The following HAO2 variants were observed in gnomAD, a reference collection of about 807,000 sequenced individuals.
HAO2 encodes the protein hydroxyacid oxidase 2.
Under a neutral mutation model 37.4 loss-of-function variants are expected in HAO2, and 42 were observed. The ratio of observed to expected loss-of-function variants is 1.12; its 90% CI spans 0.88 to 1.45. HAO2 has a LOEUF of 1.45. Ranked by LOEUF, HAO2 falls within the 40% of genes most tolerant of loss-of-function variation. The pLI, the probability that HAO2 is intolerant of heterozygous loss-of-function variation, is 0.00. For missense variants in HAO2, 476 were observed against 430.2 expected, an observed-to-expected ratio of 1.11 and a Z score of -0.94; for synonymous variants, 180 against 162.8, an observed-to-expected ratio of 1.11 and a Z score of -0.81.
intron 1 of HAO2, among the ~76,000 whole-genome samples, chr1:119,376,465 T>G (rs922564796): frequency 2.0e-5 from 3 of 152,180 alleles, no homozygotes; most frequent in Admixed American, 1.3e-4. Context: ...ACGTGCACAG[T>G]GCAAGCTGTC....
intron 2 of HAO2, 48 bp downstream of exon 2, chr1:119,381,264 G>A (rs1276638119): frequency 5.0e-6 from 7 of 1,408,786 alleles, no homozygotes; most frequent in Non-Finnish European, 7.0e-6. Flanking sequence ...GTGCACTGGT[G>A]GAGAGCAACT....
intron 5 of HAO2, among the ~76,000 whole-genome samples, chr1:119,390,576 G>T (rs998239342): frequency 6.6e-6 from 1 of 152,182 alleles, no homozygotes; most frequent in African/African-American, 2.4e-5. Flanking sequence ...TTGTGAAAGA[G>T]AAATACATTT....
chr1:119,377,353 C>T (rs984227729), intron 1 of HAO2, among the ~76,000 whole-genome samples: 8 of 152,174 alleles, frequency 5.3e-5, no homozygotes, highest in Admixed American at 5.2e-4. Flanking sequence ...TCCTCATCTC[C>T]ATCTGAGACC....
At chr1:119,382,763 A>T (rs1189336003) in intron 2 of HAO2, 152 bp from the exon 3 acceptor site, 7 of 632,566 alleles carry the variant, frequency 1.1e-5, no homozygotes, top group African/African-American at 1.8e-5. Context: ...AACATAGGTT[A>T]CTCAGCTCTC....
At chr1:119,372,420 C>T (rs754403252) in intron 1 of HAO2, among the ~76,000 whole-genome samples, 1 of 152,064 alleles carries the variant, frequency 6.6e-6, no homozygotes, top group Non-Finnish European at 1.5e-5. Context: ...TTCTTCTTGA[C>T]ATAAGGGACT....
chr1:119,391,281 G>T (rs1570797658), intron 5 of HAO2, among the ~76,000 whole-genome samples: 1 of 152,064 alleles, frequency 6.6e-6, no homozygotes, highest in Admixed American at 6.6e-5. Context: ...AAACCCTGAG[G>T]GTGTTCCAGA....
rs1031745514 is a variant in HAO2, at chr1:119,390,991, A to C, written c.772-1119A>C. 3.3e-5 allele frequency among the ~76,000 whole-genome samples: 5 copies of C among 152,210 alleles called. No homozygotes were observed. In the South Asian group the frequency reaches 8.3e-4, roughly 25 times the overall value. On this transcript the variant is annotated intron_variant, in intron 5 of 7. Transcript: ENST00000325945. ...ACCTCTTTCACAACATTATAAAAAT[A>C]CTCCAAATAATACCATGCTGGGACT... is the stretch of plus-strand genomic sequence containing the variant.
In HAO2 at chr1:119,386,629, C is replaced by T; in HGVS notation, c.569C>T (p.Ala190Val). The stretch of plus-strand genomic sequence containing the variant: ...CCTTTTTATTTCCTATAGGGAAATG[C>T]AATACCTTATTTCCAGATGACTCCT... Reference protein sequence around the residue: ...TDLQSPKKGNAIPYFQMTPIS... With the variant: ...TDLQSPKKGNVIPYFQMTPIS... Residue 190 changes from alanine (A) to valine (V), a missense_variant, in exon 5 of 8, where the codon GCA (alanine) becomes GTA (valine). Physicochemically the swap from Ala to Val is moderately conservative, Grantham distance 64 (BLOSUM62 0). Transcript: ENST00000325945. 2 of 1,594,358 alleles carry T rather than the reference C, an allele frequency of 1.3e-6. No homozygotes were observed. Among genetic ancestry groups the T allele is most frequent in the South Asian group, 1.1e-5 (1 of 90,652 alleles).
chr1:119,384,702 A>C, intron 3 of HAO2, 74 bp from the exon 4 acceptor site: 1 of 1,247,618 alleles, frequency 8.0e-7, no homozygotes, highest in Non-Finnish European at 1.1e-6. Context: ...CAGAGGCTAC[A>C]CAGACTCCCA....
chr1:119,380,896 G>A (rs1402754379), intron 1 of HAO2, among the ~76,000 whole-genome samples, 182 bp from the exon 2 acceptor site: 3 of 152,154 alleles, frequency 2.0e-5, no homozygotes, highest in Non-Finnish European at 2.9e-5. Context: ...AAGGGTGGAC[G>A]ATTACTCTCT....
At chr1:119,375,151 T>A (rs1649345281) in intron 1 of HAO2, among the ~76,000 whole-genome samples, 1 of 152,062 alleles carries the variant, frequency 6.6e-6, no homozygotes, top group South Asian at 2.1e-4. Context: ...AGAAAAAACA[T>A]TGAAATGGAG....
At chr1:119,369,486 G>A (rs1478089125) in intron 1 of HAO2, among the ~76,000 whole-genome samples, 2 of 152,190 alleles carry the variant, frequency 1.3e-5, no homozygotes, top group Non-Finnish European at 2.9e-5. Flanking sequence ...TGAAGACAGG[G>A]AGGTACTGGT....
intron 1 of HAO2, chr1:119,380,712 G>C: frequency 1.2e-6 from 2 of 1,601,056 alleles, no homozygotes; most frequent in South Asian, 2.2e-5. Flanking sequence ...AAGATGTGGA[G>C]TGAATGTGAA....
At position 119,386,840 on chromosome 1, in the gene HAO2, G is replaced by A. The variant is rs1400168312; in HGVS notation, c.771+9G>A. 1.3e-6 allele frequency: 2 copies of A among 1,552,394 alleles called. No individual in the cohort carries two copies. Among genetic ancestry groups the A allele is most frequent in the African/African-American group, 1.4e-5 (1 of 73,690 alleles). On this transcript the variant is annotated intron_variant, in intron 5 of 7. Coordinates refer to ENST00000325945, the MANE Select transcript of HAO2 (RefSeq NM_016527.4). ...ATGAGGTTCTTGCTTCAGTAAGTAG[G>A]ATTACTTCAGAGAAGGGTGTGTTTG... is the stretch of plus-strand genomic sequence containing the variant.
At chr1:119,387,710 C>G (rs1463391895) in intron 5 of HAO2, among the ~76,000 whole-genome samples, 8 of 151,946 alleles carry the variant, frequency 5.3e-5, no homozygotes, top group Non-Finnish European at 1.2e-4. Context: ...AGTATATATG[C>G]TCCTCTTATT....
chr1:119,378,582 G>A (rs587674355), intron 1 of HAO2, among the ~76,000 whole-genome samples: 2 of 152,258 alleles, frequency 1.3e-5, no homozygotes, highest in East Asian at 3.9e-4. Flanking sequence ...ATCGAAATGA[G>A]ATAAAATAGT....
At chr1:119,383,554 C>T (rs1383163373) in intron 3 of HAO2, among the ~76,000 whole-genome samples, 2 of 152,154 alleles carry the variant, frequency 1.3e-5, no homozygotes, top group Non-Finnish European at 2.9e-5. Context: ...CTTCAATTGA[C>T]CTTGTCATCT....
At chr1:119,374,036 T>C (rs1235396054) in intron 1 of HAO2, among the ~76,000 whole-genome samples, 4 of 152,172 alleles carry the variant, frequency 2.6e-5, no homozygotes, top group African/African-American at 9.7e-5. Flanking sequence ...TCTTTTCCCC[T>C]CACTCCCATA....
intron 6 of HAO2, 54 bp downstream of exon 6, chr1:119,392,322 T>C: frequency 7.2e-7 from 1 of 1,385,952 alleles, no homozygotes; most frequent in South Asian, 1.3e-5. Flanking sequence ...CATTCATTTC[T>C]GTGCTTTCCT....
Sources: gnomAD v4.1 joint callset for allele counts (sites outside exome capture counted in the v4.1 genomes callset) on GRCh38, gnomAD v4.1.1 for gene constraint, MANE v1.5 for transcripts, NCBI Gene and HGNC (gene_info 2026-07-23, HGNC 2026-07-21) for gene names.